Variants in SLC4A7 observed in about 807,000 individuals in gnomAD.
SLC4A7 encodes solute carrier family 4 member 7.
Under a neutral mutation model 137.6 loss-of-function variants are expected in SLC4A7, and 51 were observed. The observed-to-expected ratio is 0.37, with a 90% CI of 0.30 to 0.47. The LOEUF (loss-of-function observed/expected upper bound fraction) is 0.47, where lower values mean the gene tolerates loss of function less well. Among genes scored for constraint, SLC4A7 ranks in the 20% least tolerant of loss-of-function variants. The probability of loss-of-function intolerance (pLI) is 1.00; values close to 1 mark genes in which losing one functional copy is unlikely to be tolerated. For missense variants in SLC4A7, 1,247 were observed against 1,525.4 expected (o/e 0.82, Z 3.04); for synonymous variants, 542 against 518.6 (o/e 1.05, Z -0.61).
In SLC4A7 at chr3:27,404,892, T is replaced by G. The variant is rs1272085457; in HGVS notation, c.2013A>C (p.Leu671=). 2.5e-6 allele frequency: 4 copies of G among 1,610,988 alleles called. No homozygotes were observed. The African/African-American group carries it at 5.4e-5, about 22-fold the overall frequency. Residue 671 remains leucine (L), a synonymous_variant, in exon 14 of 26, where the codon CTA becomes CTC. Transcript: ENST00000454389. ...CTGGACCTGTGCTCCCCAATATTGT[T>G]AGAGGTTGCCCAGCAAACAATGAAT... ...IAYSLFAGQP[L]TILGSTGPVL... is the part of the protein sequence containing the mutation.
chr3:27,402,692 C>G (rs2052898798), intron 15 of SLC4A7, among the ~76,000 whole-genome samples: 1 of 86,732 alleles, frequency 1.2e-5, no homozygotes, highest in African/African-American at 4.2e-5. Flanking sequence ...GAGAGAGACT[C>G]CGTCTCCAAA....
intron 8 of SLC4A7, 192 bp downstream of exon 8, chr3:27,423,845 C>T (rs1405415661): frequency 2.0e-6 from 1 of 507,946 alleles, no homozygotes; most frequent in Non-Finnish European, 3.5e-6. Flanking sequence ...TATTCAAGTA[C>T]TCACAGGTTA....
At chr3:27,439,847 T>C (rs1015249459) in intron 3 of SLC4A7, among the ~76,000 whole-genome samples, 1 of 152,196 alleles carries the variant, frequency 6.6e-6, no homozygotes, top group African/African-American at 2.4e-5. Flanking sequence ...ATGTTGACTA[T>C]ATGGTGGTTT....
chr3:27,397,717 T>C lies in SLC4A7; in HGVS notation c.2670A>G (p.Pro890=), dbSNP rs1329109184. The change falls in exon 18 of 26, where the codon CCA becomes CCG. Residue 890 remains proline (P), a synonymous_variant. Coordinates refer to ENST00000454389, the MANE Select transcript of SLC4A7 (RefSeq NM_001321103.2). ...TTTCAGGAACATGAAGTTTAGGAGATGGAACTCCTACAAGGTAGTCAATTG... is the reference window on the plus strand; with the variant it reads ...TTTCAGGAACATGAAGTTTAGGAGACGGAACTCCTACAAGGTAGTCAATTG... The part of the protein sequence containing the change: ...MVTIDYLVGV[P]SPKLHVPEKF... 2.5e-6 allele frequency: 4 copies of C among 1,605,524 alleles called. No homozygotes were observed. Among genetic ancestry groups the C allele is most frequent in the Non-Finnish European group, 3.4e-6 (4 of 1,174,632 alleles).
At chr3:27,449,207 A>G (rs2057895383) in intron 2 of SLC4A7, among the ~76,000 whole-genome samples, 2 of 151,984 alleles carry the variant, frequency 1.3e-5, no homozygotes, top group Non-Finnish European at 2.9e-5. Flanking sequence ...GCCTAAAAAG[A>G]TATCTTAAGA....
In SLC4A7 at chr3:27,433,813, G is replaced by A. The variant is rs2056513854; in HGVS notation, c.778+103C>T. On this transcript the variant is annotated intron_variant, in intron 6 of 25. Coordinates refer to ENST00000454389, the MANE Select transcript of SLC4A7 (RefSeq NM_001321103.2). ...AGGAAGGAGAAGTAATTCAGAGGTAGGTATAGTGAGTGTTTAAATATCCCC... is the reference window on the plus strand; with the variant it reads ...AGGAAGGAGAAGTAATTCAGAGGTAAGTATAGTGAGTGTTTAAATATCCCC... 4 of 919,550 alleles carry A rather than the reference G, an allele frequency of 4.3e-6. No individual in the cohort carries two copies. The South Asian group carries it at 4.4e-5, about 10-fold the overall frequency. 57.0% of individuals were successfully genotyped at this position (919,550 alleles called of 1,614,324 possible).
chr3:27,453,425 C>A (rs1012918131), intron 1 of SLC4A7, among the ~76,000 whole-genome samples: 4 of 152,088 alleles, frequency 2.6e-5, no homozygotes, highest in African/African-American at 9.7e-5. Context: ...ACCAGCCTGA[C>A]CAACATGGAG....
chr3:27,455,868 C>CAA (rs1284302098), intron 1 of SLC4A7, among the ~76,000 whole-genome samples: 1 of 151,842 alleles, frequency 6.6e-6, no homozygotes, highest in Non-Finnish European at 1.5e-5. Flanking sequence ...AAAAAAAACA[C>CAA]AAAAAACAAA....
chr3:27,397,610 T>G, intron 18 of SLC4A7, 74 bp downstream of exon 18: 2 of 736,292 alleles, frequency 2.7e-6, no homozygotes, highest in Non-Finnish European at 2.4e-6. Flanking sequence ...CAATAACTAC[T>G]GAGAAAATAG....
At chr3:27,392,775 A>G (rs2051707500) in intron 20 of SLC4A7, among the ~76,000 whole-genome samples, 1 of 152,012 alleles carries the variant, frequency 6.6e-6, no homozygotes, top group Non-Finnish European at 1.5e-5. Flanking sequence ...GCAGTGAGCC[A>G]AGATCATGTC....
chr3:27,446,692 G>T (rs1234178939), intron 3 of SLC4A7, among the ~76,000 whole-genome samples: 1 of 151,904 alleles, frequency 6.6e-6, no homozygotes, highest in South Asian at 2.1e-4. Context: ...GTGATGTATA[G>T]AACAGTTTTT....
chr3:27,466,395 T>G (rs1283960890), intron 1 of SLC4A7, among the ~76,000 whole-genome samples: 2 of 148,182 alleles, frequency 1.3e-5, no homozygotes, highest in Admixed American at 1.4e-4. Flanking sequence ...GAGCCTGCAG[T>G]GAGCCGAGAT....
In SLC4A7 at chr3:27,383,212, C is replaced by G. The variant is rs199895162; in HGVS notation, c.3531G>C (p.Val1177=). Residue 1177 remains valine, a synonymous_variant, in exon 24 of 26, where the codon GTG becomes GTC. Transcript: ENST00000454389. ...GACTTCCCCCTTCAAATGGAAGGTG[C>G]ACAGTATCATCATCATCTTGAAGCA... ...ERMLQDDDDT[V]HLPFEGGSLL... 1.2e-6 allele frequency: 2 copies of G among 1,613,262 alleles called. No homozygotes were observed. Among genetic ancestry groups the G allele is most frequent in the Admixed American group, 3.3e-5 (2 of 59,978 alleles).
intron 18 of SLC4A7, among the ~76,000 whole-genome samples, chr3:27,396,872 A>G (rs545449869): frequency 2.6e-5 from 4 of 152,304 alleles, no homozygotes; most frequent in African/African-American, 9.6e-5. Context: ...AGAAAATTCA[A>G]ATGGATGCTC....
chr3:27,390,802 A>C (rs918497941), intron 21 of SLC4A7, among the ~76,000 whole-genome samples: 6 of 152,014 alleles, frequency 3.9e-5, no homozygotes, highest in Non-Finnish European at 7.4e-5. Flanking sequence ...ACTGTGCTTT[A>C]TGATCGTTTT....
At position 27,379,240 on chromosome 3, in the gene SLC4A7, T is replaced by C. The variant is rs1359402901; in HGVS notation, c.3698+9A>G. On this transcript the variant is annotated intron_variant, in intron 25 of 25. Transcript: ENST00000454389. ...TACAGTTAGAAAACACACAAATAGT[T>C]ATAACTACCTCATGTTAGATCTGGT... The C allele has an allele frequency of 6.9e-7, 1 of 1,446,208 alleles. No homozygotes were observed. Among genetic ancestry groups the C allele is most frequent in the Non-Finnish European group, 9.4e-7 (1 of 1,064,810 alleles). The allele number at this position is 1,446,208 out of a possible 1,614,324, so 89.6% of individuals were successfully genotyped here.
rs1392664217 is a variant in SLC4A7, at chr3:27,403,147, G to C, written c.2313C>G (p.Thr771=). 3 of 1,604,522 alleles carry C rather than the reference G, an allele frequency of 1.9e-6. No homozygotes were observed. The highest frequency in any genetic ancestry group is 3.4e-5 in the Admixed American group (2 of 58,066). Residue 771 remains threonine (T), a synonymous_variant, in exon 15 of 26, where the codon ACC becomes ACG. Coordinates refer to ENST00000454389, the MANE Select transcript of SLC4A7 (RefSeq NM_001321103.2). The stretch of plus-strand genomic sequence containing the variant: ...AAAAGAGAAATACTTACGAGTAGCT[G>C]GTCAGTTTATCTAAGTTGTTGTGCA... ...FNMHNNLDKL[T]SYSCVCTEPP... is the part of the protein sequence containing the mutation.
At chr3:27,401,081 G>T in intron 15 of SLC4A7, 1 of 378,064 alleles carries the variant, frequency 2.6e-6, no homozygotes. Flanking sequence ...ATATCAAAAC[G>T]TTTAGTTAAT....
intron 5 of SLC4A7, among the ~76,000 whole-genome samples, chr3:27,435,335 C>T (rs1343456292): frequency 6.6e-6 from 1 of 152,000 alleles, no homozygotes. Context: ...TTCAAATCTC[C>T]CCCTTTCATT....
Sources: gnomAD v4.1 joint callset for allele counts (sites outside exome capture counted in the v4.1 genomes callset) on GRCh38, gnomAD v4.1.1 for gene constraint, MANE v1.5 for transcripts, NCBI Gene and HGNC (gene_info 2026-07-23, HGNC 2026-07-21) for gene names.